The following FIG4 variants were observed in gnomAD, a reference collection of about 807,000 sequenced individuals.
FIG4 encodes the protein FIG4 phosphoinositide 5-phosphatase, also known as polyphosphoinositide phosphatase.
In FIG4, 112 loss-of-function variants were observed where a neutral mutation model predicts 118.6. The observed-to-expected ratio is 0.94, with a 90% CI of 0.81 to 1.11. FIG4 has a LOEUF of 1.11. Among genes scored for constraint, FIG4 ranks in the 50% least tolerant of loss-of-function variants. FIG4 has a pLI of 0.00. For missense variants in FIG4, 969 were observed against 1,111.7 expected (o/e 0.87, Z 1.83); for synonymous variants, 369 against 381.2 (o/e 0.97, Z 0.37).
At chr6:109,697,440 G>A (rs1472917282) in intron 1 of FIG4, among the ~76,000 whole-genome samples, 1 of 152,120 alleles carries the variant, frequency 6.6e-6, no homozygotes, top group African/African-American at 2.4e-5. Flanking sequence ...GCTAACTCAC[G>A]TGCCTGACAA....
At chr6:109,815,156 C>T (rs946292670) in intron 22 of FIG4, among the ~76,000 whole-genome samples, 7 of 152,106 alleles carry the variant, frequency 4.6e-5, no homozygotes, top group African/African-American at 7.2e-5. Context: ...CCATTACCCT[C>T]GTTATGTTTA....
At chr6:109,733,904 A>G (rs1776082198) in intron 5 of FIG4, among the ~76,000 whole-genome samples, 1 of 152,010 alleles carries the variant, frequency 6.6e-6, no homozygotes. Context: ...AAGTAAATAC[A>G]TGTAGGTTAA....
Position 109,815,645 on chromosome 6 carries a change from G to A in FIG4, c.2547-9443G>A, listed in dbSNP as rs1317693180. Reference sequence around the variant, plus strand: ...GTGCAGTGGAGAAGGGGAAGAGCACGGCTTTATGATCACATAAAGGCCATC... The same window carrying A: ...GTGCAGTGGAGAAGGGGAAGAGCACAGCTTTATGATCACATAAAGGCCATC... On this transcript the variant is annotated intron_variant, in intron 22 of 22. Transcript: ENST00000230124. 5.9e-5 allele frequency among the ~76,000 whole-genome samples: 9 copies of A among 151,896 alleles called. No individual in the cohort carries two copies. The South Asian group carries it at 1.5e-3, about 25-fold the overall frequency.
At chr6:109,733,865 TA>T (rs1776081281) in intron 5 of FIG4, among the ~76,000 whole-genome samples, 2 of 152,070 alleles carry the variant, frequency 1.3e-5, no homozygotes, top group Non-Finnish European at 1.5e-5. Flanking sequence ...TCTGTATTTT[TA>T]TACTGAGTTG....
chr6:109,762,861 A>G (rs13191444), intron 12 of FIG4, among the ~76,000 whole-genome samples: 33,923 of 151,946 alleles, frequency 0.22, 4,137 homozygotes, highest in Middle Eastern at 0.33. Context: ...TCACTAGGAG[A>G]ACTGAAAGGA....
Position 109,743,192 on chromosome 6 carries a change from C to T in FIG4, c.959C>T (p.Ser320Leu). 1.9e-6 allele frequency: 3 copies of T among 1,612,860 alleles called. No homozygotes were observed. Among genetic ancestry groups the T allele is most frequent in the Non-Finnish European group, 2.5e-6 (3 of 1,179,104 alleles). ...TCTTTCACTGCAGGAAGTTATTCTTCATATGTACAAGTTAGAGGATCTGTG... is the reference window on the plus strand; with the variant it reads ...TCTTTCACTGCAGGAAGTTATTCTTTATATGTACAAGTTAGAGGATCTGTG... The part of the protein sequence containing the change: ...VMSFTAGSYS[S>L]YVQVRGSVPL... The change falls in exon 9 of 23, where the codon TCA becomes TTA. Residue 320 changes from serine (S) to leucine (L), a missense_variant. By Grantham distance (145) the Ser-to-Leu change is moderately radical. Transcript: ENST00000230124.
intron 2 of FIG4, among the ~76,000 whole-genome samples, 200 bp downstream of exon 2, chr6:109,715,376 T>C (rs1334472768): frequency 6.6e-6 from 1 of 152,224 alleles, no homozygotes; most frequent in African/African-American, 2.4e-5. Context: ...GCCAGAATTA[T>C]ACTTTGCCCC....
intron 1 of FIG4, among the ~76,000 whole-genome samples, chr6:109,694,909 T>C (rs1363652832): frequency 6.6e-6 from 1 of 152,184 alleles, no homozygotes; most frequent in Non-Finnish European, 1.5e-5. Flanking sequence ...TCAGTTAAAA[T>C]GGCTATTTTC....
intron 22 of FIG4, among the ~76,000 whole-genome samples, chr6:109,815,495 G>GCCCCCCCCCCCCCCCCCC (rs112617514): frequency 2.0e-4 from 18 of 89,240 alleles, no homozygotes; most frequent in South Asian, 7.8e-4. Context: ...ACTCCAGGCT[G>GCCCCCCCCCCCCCCCCCC]CCCCCCCCAC....
intron 10 of FIG4, among the ~76,000 whole-genome samples, chr6:109,757,893 C>T (rs966342465): frequency 6.6e-6 from 1 of 152,054 alleles, no homozygotes; most frequent in Non-Finnish European, 1.5e-5. Flanking sequence ...CTTAAAAATA[C>T]AACTTAAAAG....
At chr6:109,782,358 T>C (rs995198856) in intron 16 of FIG4, among the ~76,000 whole-genome samples, 4 of 152,250 alleles carry the variant, frequency 2.6e-5, no homozygotes, top group Admixed American at 1.3e-4. Flanking sequence ...CCAAGGCAGA[T>C]ATTTCTTTGC....
chr6:109,718,876 ATAGT>A (rs753059876), intron 3 of FIG4, among the ~76,000 whole-genome samples: 67 of 152,202 alleles, frequency 4.4e-4, no homozygotes, highest in Non-Finnish European at 7.5e-4. Context: ...AATTTAAATA[ATAGT>A]TACTTAATAG....
rs140977049 is a variant in FIG4, at chr6:109,743,733, G to A, written c.1098G>A (p.Gln366=). The A allele has an allele frequency of 6.2e-7, 1 of 1,612,984 alleles. No homozygotes were observed. The highest frequency in any genetic ancestry group is 1.1e-5 in the South Asian group (1 of 91,080). Residue 366 remains glutamine, a synonymous_variant, in exon 10 of 23, where the codon CAG becomes CAA. Transcript: ENST00000230124. The part of the protein sequence containing the change: ...VAALHFDQMF[Q]RFGSPIIILN... Reference sequence around the variant, plus strand: ...CCCTTCACTTTGACCAGATGTTCCAGAGGTTTGGCTCTCCCATCATCATCT... The same window carrying A: ...CCCTTCACTTTGACCAGATGTTCCAAAGGTTTGGCTCTCCCATCATCATCT...
chr6:109,708,253 C>T (rs746438535), intron 1 of FIG4, among the ~76,000 whole-genome samples: 4 of 152,096 alleles, frequency 2.6e-5, no homozygotes, highest in East Asian at 1.9e-4. Flanking sequence ...TTTTTGCATT[C>T]GTTTGCCAAG....
chr6:109,715,641 G>C (rs1343214345), intron 2 of FIG4, among the ~76,000 whole-genome samples: 1 of 152,156 alleles, frequency 6.6e-6, no homozygotes, highest in Non-Finnish European at 1.5e-5. Context: ...ATGTTAAGCT[G>C]TTCTTATCCA....
intron 22 of FIG4, among the ~76,000 whole-genome samples, chr6:109,817,987 C>A (rs1778905591): frequency 6.6e-6 from 1 of 152,202 alleles, no homozygotes; most frequent in African/African-American, 2.4e-5. Context: ...GACCAAACTT[C>A]CACAAATGAC....
At chr6:109,713,622 G>A (rs774226727) in intron 1 of FIG4, among the ~76,000 whole-genome samples, 1 of 152,162 alleles carries the variant, frequency 6.6e-6, no homozygotes, top group Non-Finnish European at 1.5e-5. Context: ...GGCAGGACAG[G>A]GTACATGCGC....
At chr6:109,793,955 A>G (rs971048065) in intron 21 of FIG4, among the ~76,000 whole-genome samples, 1 of 152,206 alleles carries the variant, frequency 6.6e-6, no homozygotes, top group African/African-American at 2.4e-5. Flanking sequence ...AGAACTCTGT[A>G]GCCAAACTCT....
chr6:109,795,736 G>A (rs539456414), intron 21 of FIG4, among the ~76,000 whole-genome samples: 120 of 151,156 alleles, frequency 7.9e-4, no homozygotes, highest in Non-Finnish European at 1.3e-3. Flanking sequence ...TGAGTAGCTC[G>A]GACTACAGGT....
Sources: allele counts gnomAD v4.1 joint callset (sites outside exome capture counted in the v4.1 genomes callset), GRCh38; gene constraint gnomAD v4.1.1; transcripts MANE v1.5; gene names NCBI Gene and HGNC (gene_info 2026-07-23, HGNC 2026-07-21).